Variants in VPS41 observed in about 807,000 individuals in gnomAD.
VPS41 encodes vacuolar protein sorting-associated protein 41 homolog.
VPS41 carries 85 observed loss-of-function variants against 130.9 expected under a neutral mutation model. That is an observed-to-expected ratio of 0.65 (90% CI 0.55 to 0.78). VPS41 has a LOEUF of 0.78. Among genes scored for constraint, VPS41 ranks in the 30% least tolerant of loss-of-function variants. The pLI, the probability that VPS41 is intolerant of heterozygous loss-of-function variation, is 0.00. For missense variants in VPS41, 874 were observed against 1,018.7 expected (o/e 0.86, Z 1.93); for synonymous variants, 335 against 332.9 (o/e 1.01, Z -0.07).
chr7:38,750,785 T>C (rs569247547), intron 22 of VPS41, among the ~76,000 whole-genome samples: 1 of 152,106 alleles, frequency 6.6e-6, no homozygotes, highest in South Asian at 2.1e-4. Flanking sequence ...CTCTGCATCT[T>C]GTGCTTAGGG....
At chr7:38,754,436 A>G (rs543356834) in intron 21 of VPS41, among the ~76,000 whole-genome samples, 1 of 152,318 alleles carries the variant, frequency 6.6e-6, no homozygotes, top group East Asian at 1.9e-4. Context: ...TTATAGTAAT[A>G]TAATAGATAG....
chr7:38,872,873 C>T (rs1786401911), intron 2 of VPS41, among the ~76,000 whole-genome samples: 1 of 152,156 alleles, frequency 6.6e-6, no homozygotes, highest in Non-Finnish European at 1.5e-5. Flanking sequence ...ATGATGTGTG[C>T]ATTCTGAAGT....
Position 38,758,356 on chromosome 7 carries a change from T to C in VPS41, c.1548A>G (p.Glu516=). 2 of 1,607,036 alleles carry C rather than the reference T, an allele frequency of 1.2e-6. No individual in the cohort carries two copies. Among genetic ancestry groups the C allele is most frequent in the Non-Finnish European group, 1.7e-6 (2 of 1,178,078 alleles). Reference sequence around the variant, plus strand: ...AAGAAACACTTAAGTATACTCACAATTCTGCCAGGGTTTTAAGTAAAGTCT... The same window carrying C: ...AAGAAACACTTAAGTATACTCACAACTCTGCCAGGGTTTTAAGTAAAGTCT... The part of the protein sequence containing the change: ...QNKTLLKTLA[E]LYTYDKNYGN... Residue 516 remains glutamate (E), a splice_region_variant and synonymous_variant, in exon 18 of 29, where the codon GAA becomes GAG. Transcript: ENST00000310301.
At position 38,760,424 on chromosome 7, in the gene VPS41, A is replaced by G. The variant is rs182579094; in HGVS notation, c.1423-1943T>C. 3.3e-5 allele frequency among the ~76,000 whole-genome samples: 5 copies of G among 152,252 alleles called. No homozygotes were observed. The East Asian group carries it at 9.7e-4, about 29-fold the overall frequency. On this transcript the variant is annotated intron_variant, in intron 17 of 28. Coordinates refer to ENST00000310301, the MANE Select transcript of VPS41 (RefSeq NM_014396.4). ...TTCCTTTAGCTCATGTCAAAGCTAG[A>G]TCTACTGAGCAAGAGATGAATGCAT...
chr7:38,807,608 T>C (rs961821689), intron 7 of VPS41, among the ~76,000 whole-genome samples: 2 of 152,204 alleles, frequency 1.3e-5, no homozygotes, highest in Non-Finnish European at 1.5e-5. Context: ...ATCAAGATCC[T>C]GTGTACACAC....
intron 4 of VPS41, among the ~76,000 whole-genome samples, chr7:38,855,544 A>G (rs1048141209): frequency 6.6e-6 from 1 of 152,160 alleles, no homozygotes; most frequent in Non-Finnish European, 1.5e-5. Context: ...CAGATGAGGA[A>G]CCAGTCACAA....
intron 14 of VPS41, among the ~76,000 whole-genome samples, chr7:38,769,067 C>T (rs1784106310): frequency 6.6e-6 from 1 of 152,198 alleles, no homozygotes; most frequent in Non-Finnish European, 1.5e-5. Flanking sequence ...AATACACATA[C>T]AGAAAATTCA....
At chr7:38,763,688 G>A in intron 16 of VPS41, 141 bp from the exon 17 acceptor site, 1 of 509,036 alleles carries the variant, frequency 2.0e-6, no homozygotes, top group East Asian at 3.1e-5. Flanking sequence ...GTTTTGAACA[G>A]GATTTAAATG....
At chr7:38,899,650 A>G (rs1174392516) in intron 1 of VPS41, among the ~76,000 whole-genome samples, 1 of 151,800 alleles carries the variant, frequency 6.6e-6, no homozygotes, top group Non-Finnish European at 1.5e-5. Context: ...CTTTCCTAAC[A>G]CCACTGGGGT....
chr7:38,829,824 T>C lies in VPS41; in HGVS notation c.321+430A>G, dbSNP rs114696265. On this transcript the variant is annotated intron_variant, in intron 5 of 28. Transcript: ENST00000310301. ...TATGATTGCTTATCAAAAGATTCTA[T>C]AATTCAAGAGAAACATTCATAACTT... 7.0e-3 allele frequency among the ~76,000 whole-genome samples: 1,059 copies of C among 152,340 alleles called. 14 individuals carry two copies. Among genetic ancestry groups the C allele is most frequent in the African/African-American group, 0.023 (964 of 41,566 alleles).
chr7:38,822,736 T>C (rs537016035), intron 5 of VPS41, among the ~76,000 whole-genome samples: 2 of 152,354 alleles, frequency 1.3e-5, no homozygotes, highest in East Asian at 3.9e-4. Flanking sequence ...TGTTCACATT[T>C]AATAGGCAAA....
At chr7:38,827,044 T>C (rs1785294771) in intron 5 of VPS41, among the ~76,000 whole-genome samples, 1 of 152,150 alleles carries the variant, frequency 6.6e-6, no homozygotes, top group African/African-American at 2.4e-5. Flanking sequence ...GGTCTCGATT[T>C]CCTGACCCCG....
intron 3 of VPS41, among the ~76,000 whole-genome samples, chr7:38,866,581 G>T (rs943048121): frequency 4.6e-5 from 7 of 152,286 alleles, no homozygotes; most frequent in East Asian, 1.9e-4. Flanking sequence ...ATTCATTATG[G>T]ACATGCTGAG....
intron 2 of VPS41, among the ~76,000 whole-genome samples, chr7:38,895,043 C>T (rs986447366): frequency 2.0e-5 from 3 of 152,190 alleles, no homozygotes; most frequent in African/African-American, 7.2e-5. Flanking sequence ...TTACTGTGGC[C>T]AGGCACGGTG....
intron 7 of VPS41, among the ~76,000 whole-genome samples, chr7:38,802,875 G>A (rs938532666): frequency 9.9e-5 from 15 of 152,132 alleles, no homozygotes; most frequent in African/African-American, 2.7e-4. Context: ...TCCATACCCT[G>A]TAATATTGAA....
chr7:38,797,710 CAATT>C (rs1204583403), intron 7 of VPS41, among the ~76,000 whole-genome samples: 2 of 152,172 alleles, frequency 1.3e-5, no homozygotes, highest in Non-Finnish European at 2.9e-5. Context: ...CCACTACAAG[CAATT>C]TCAGTCTACC....
intron 3 of VPS41, 45 bp downstream of exon 3, chr7:38,869,101 A>C (rs1339302978): frequency 1.4e-6 from 2 of 1,442,162 alleles, no homozygotes; most frequent in East Asian, 4.7e-5. Flanking sequence ...GCAAATTTAC[A>C]ATGGAAACAA....
chr7:38,901,353 C>T lies in VPS41; in HGVS notation c.22-3224G>A, dbSNP rs1002314420. ...GCGGGTTAATTTATAAAGAAAAGAGCGTTATTTGGCTCACGGTTCTGCAGT... is the reference window on the plus strand; with the variant it reads ...GCGGGTTAATTTATAAAGAAAAGAGTGTTATTTGGCTCACGGTTCTGCAGT... On this transcript the variant is annotated intron_variant, in intron 1 of 28. Coordinates refer to ENST00000310301, the MANE Select transcript of VPS41 (RefSeq NM_014396.4). Among the ~76,000 whole-genome samples, 4 of 152,060 alleles carry T rather than the reference C, an allele frequency of 2.6e-5. No individual in the cohort carries two copies. The East Asian group carries it at 5.8e-4, about 22-fold the overall frequency.
intron 14 of VPS41, 89 bp from the exon 15 acceptor site, chr7:38,767,687 G>A: frequency 4.7e-6 from 4 of 855,388 alleles, no homozygotes; most frequent in Non-Finnish European, 7.6e-6. Context: ...ATAACATTAG[G>A]GTCCTATTAG....
Sources: gnomAD v4.1 joint callset for allele counts (sites outside exome capture counted in the v4.1 genomes callset) on GRCh38, gnomAD v4.1.1 for gene constraint, MANE v1.5 for transcripts, NCBI Gene and HGNC (gene_info 2026-07-23, HGNC 2026-07-21) for gene names.